TNRC6A: variants seen among roughly 807,000 people sequenced by gnomAD.
TNRC6A encodes the protein trinucleotide repeat containing adaptor 6A.
A neutral mutation model predicts 221.2 loss-of-function variants in TNRC6A; 44 were observed. The ratio of observed to expected loss-of-function variants is 0.20; its 90% CI spans 0.16 to 0.26. The LOEUF (loss-of-function observed/expected upper bound fraction) is 0.26. Among genes scored for constraint, TNRC6A ranks in the 10% least tolerant of loss-of-function variants. The probability of loss-of-function intolerance (pLI) is 1.00; values close to 1 mark genes in which losing one functional copy is unlikely to be tolerated. For synonymous variants in TNRC6A, 847 were observed against 838.5 expected (o/e 1.01, Z -0.18); for missense variants, 2,199 against 2,404.4 (o/e 0.91, Z 1.79).
intron 18 of TNRC6A, among the ~76,000 whole-genome samples, chr16:24,810,279 A>G (rs2058516717): frequency 6.6e-6 from 1 of 152,164 alleles, no homozygotes; most frequent in African/African-American, 2.4e-5. Context: ...CCCAGCAAAT[A>G]TTAATCGAGT....
chr16:24,820,274 G>T lies in TNRC6A; in HGVS notation c.5216G>T (p.Gly1739Val), dbSNP rs761451483. ...APSRPPPGLT[G>V]QKPPLSTWDN... ...TCCCGCCCACCTCCGGGACTGACTG[G>T]TCAGAAGCCACCCTTGTCTACGTGG... The change falls in exon 22 of 25, where the codon GGT becomes GTT. Residue 1739 changes from glycine to valine, a missense_variant. By Grantham distance (109) the Gly-to-Val change is moderately radical. Coordinates refer to ENST00000395799, the MANE Select transcript of TNRC6A (RefSeq NM_014494.4). 6.2e-7 allele frequency: 1 copy of T among 1,614,148 alleles called. No homozygotes were observed. Among genetic ancestry groups the T allele is most frequent in the South Asian group, 1.1e-5 (1 of 91,086 alleles).
At chr16:24,765,796 A>G (rs987142047) in intron 4 of TNRC6A, among the ~76,000 whole-genome samples, 1 of 152,168 alleles carries the variant, frequency 6.6e-6, no homozygotes, top group African/African-American at 2.4e-5. Flanking sequence ...TAGATCATGT[A>G]ACAAAGTCAC....
chr16:24,806,072 A>G, intron 15 of TNRC6A, 134 bp from the exon 16 acceptor site: 1 of 914,048 alleles, frequency 1.1e-6, no homozygotes. Flanking sequence ...AAGAGATGGT[A>G]CTAGATAATG....
rs533038253 is a variant in TNRC6A at position 24,714,207 on chromosome 16, C to T, written n.403-36519C>T. Among the ~76,000 whole-genome samples, 4 of 150,574 alleles carry T rather than the reference C, an allele frequency of 2.7e-5. No homozygotes were observed. The East Asian group carries it at 7.8e-4, about 29-fold the overall frequency. On this transcript the variant is annotated intron_variant and non_coding_transcript_variant, in intron 2 of 2. Coordinates refer to the TNRC6A transcript ENST00000566108. The stretch of plus-strand genomic sequence containing the variant: ...GTGATCTGTTCATTTCACATTGGGG[C>T]TTTTTTTCCTGTCTTCTTCGCTTTA...
At position 24,797,481 on chromosome 16, in the gene TNRC6A, T is replaced by A; in HGVS notation, c.3562-9T>A. 1 of 1,605,994 alleles carries A rather than the reference T, an allele frequency of 6.2e-7. No individual in the cohort carries two copies. The highest frequency in any genetic ancestry group is 8.5e-7 in the Non-Finnish European group (1 of 1,176,596). On this transcript the variant is annotated splice_polypyrimidine_tract_variant and intron_variant, in intron 9 of 24. Transcript: ENST00000395799. ...CATGGCATCTTTTCTACTCTTTTATTTTACAAAGGGAATGATGAAAGGTGG... is the reference window on the plus strand; with the variant it reads ...CATGGCATCTTTTCTACTCTTTTATATTACAAAGGGAATGATGAAAGGTGG...
rs2056572736 is a variant in TNRC6A, at chr16:24,729,709, C to CGGCGGCGGT, written c.-125_-124insTGGCGGCGG. The CGGCGGCGGT allele has an allele frequency of 9.2e-7, 1 of 1,092,324 alleles. No individual in the cohort carries two copies. Among genetic ancestry groups the CGGCGGCGGT allele is most frequent in the South Asian group, 3.0e-5 (1 of 33,230 alleles). 67.7% of individuals were successfully genotyped at this position (1,092,324 alleles called of 1,614,324 possible). On this transcript the variant is annotated 5_prime_UTR_variant, in exon 1 of 25. Coordinates refer to ENST00000395799, the MANE Select transcript of TNRC6A (RefSeq NM_014494.4). The stretch of plus-strand genomic sequence containing the variant: ...TCGGCGGCGGCGGCGGCGGCGGCGG[C>CGGCGGCGGT]GGCGGCGGCAGCGGGTCGGTGTAGA...
chr16:24,776,603 C>G, intron 4 of TNRC6A: 8 of 985,438 alleles, frequency 8.1e-6, no homozygotes, highest in Non-Finnish European at 9.6e-6. Context: ...TTCTTTGAGT[C>G]ATTGCGAGTT....
chr16:24,638,937 A>G (rs370035877), intron 1 of TNRC6A, among the ~76,000 whole-genome samples: 20 of 152,354 alleles, frequency 1.3e-4, no homozygotes, highest in East Asian at 5.8e-4. Context: ...TAGGAGGTCA[A>G]GTAAAACAAG....
intron 1 of TNRC6A, among the ~76,000 whole-genome samples, chr16:24,615,213 G>C (rs1003317013): frequency 6.6e-6 from 1 of 152,154 alleles, no homozygotes; most frequent in Non-Finnish European, 1.5e-5. Flanking sequence ...ACATATTAGA[G>C]AAGGCTCACA....
chr16:24,615,959 A>G (rs1237574613), intron 1 of TNRC6A, among the ~76,000 whole-genome samples: 1 of 150,966 alleles, frequency 6.6e-6, no homozygotes, highest in Non-Finnish European at 1.5e-5. Context: ...TCAGGAGGCC[A>G]AGACAGGAGG....
intron 2 of TNRC6A, chr16:24,665,062 ATTTG>A (rs1380266732): frequency 2.2e-6 from 1 of 445,502 alleles, no homozygotes; most frequent in Admixed American, 2.4e-5. Flanking sequence ...TTATTTATTT[ATTTG>A]TTTGTTTATT....
At chr16:24,815,032 C>A in intron 18 of TNRC6A, 115 bp from the exon 19 acceptor site, 1 of 1,168,466 alleles carries the variant, frequency 8.6e-7, no homozygotes, top group Non-Finnish European at 1.2e-6. Context: ...CTCTAGAGAA[C>A]ACAGCCTAGA....
intron 1 of TNRC6A, among the ~76,000 whole-genome samples, chr16:24,612,864 A>G (rs1900123764): frequency 6.6e-6 from 1 of 152,128 alleles, no homozygotes. Context: ...TCCAGTGGGG[A>G]AGGCAGCTAT....
intron 4 of TNRC6A, among the ~76,000 whole-genome samples, chr16:24,759,421 C>T (rs1372449584): frequency 1.3e-5 from 2 of 152,136 alleles, no homozygotes; most frequent in Non-Finnish European, 2.9e-5. Context: ...AAGCTATCAA[C>T]TACTGTACAT....
At chr16:24,727,132 C>T (rs1470155695), upstream of TNRC6A, among the ~76,000 whole-genome samples, 2 of 151,138 alleles carry the variant, frequency 1.3e-5, no homozygotes, top group East Asian at 1.9e-4. Flanking sequence ...TGGGTTCAAG[C>T]GATTCTCCTG....
chr16:24,823,537 GTC>G lies in TNRC6A; in HGVS notation c.5624_5625del (p.Leu1875ArgfsTer34). ...QSLTPSPGWQ[S>X]LGSSQSRLGS... The stretch of plus-strand genomic sequence containing the variant: ...CTCTGACCCCTTCTCCCGGCTGGCA[GTC>G]TCTCGGGTCCAGCCAGAGCCGGCTG... On this transcript the variant is annotated frameshift_variant, in exon 25 of 25. Coordinates refer to ENST00000395799, the MANE Select transcript of TNRC6A (RefSeq NM_014494.4). LOFTEE classifies it high-confidence loss of function. The surrounding 1 kb of genome is among the most constrained non-coding windows in gnomAD (Gnocchi z 4.3). The G allele has an allele frequency of 6.2e-7, 1 of 1,614,216 alleles. No individual in the cohort carries two copies. The highest frequency in any genetic ancestry group is 8.5e-7 in the Non-Finnish European group (1 of 1,180,044).
chr16:24,804,997 G>T lies in TNRC6A; in HGVS notation c.3985-17G>T. 1.2e-6 allele frequency: 2 copies of T among 1,614,150 alleles called. No individual in the cohort carries two copies. Among genetic ancestry groups the T allele is most frequent in the South Asian group, 1.1e-5 (1 of 91,084 alleles). ...CTAAAGAATCCCACTGTTACTTGTT[G>T]CTGTTTGTTTTTATAGAATGGCAAT... On this transcript the variant is annotated splice_polypyrimidine_tract_variant and intron_variant, in intron 13 of 24. Coordinates refer to ENST00000395799, the MANE Select transcript of TNRC6A (RefSeq NM_014494.4).
intron 2 of TNRC6A, among the ~76,000 whole-genome samples, chr16:24,681,136 A>G (rs1264651693): frequency 3.3e-5 from 5 of 152,274 alleles, no homozygotes; most frequent in Non-Finnish European, 7.4e-5. Flanking sequence ...ATTAATAATT[A>G]TTAACAATTT....
chr16:24,721,384 A>G lies in TNRC6A; in HGVS notation n.403-29342A>G, dbSNP rs562559386. On this transcript the variant is annotated intron_variant and non_coding_transcript_variant, in intron 2 of 2. Transcript: ENST00000566108. ...ACCCAAATGTCAATTAACACAAGGA[A>G]GAGGCTGGGTGCGGTGGCTCATGCC... Among the ~76,000 whole-genome samples, 7 of 152,158 alleles carry G rather than the reference A, an allele frequency of 4.6e-5. No homozygotes were observed. In the South Asian group the frequency reaches 1.2e-3, roughly 27 times the overall value.
Sources: gnomAD v4.1 joint callset for allele counts (sites outside exome capture counted in the v4.1 genomes callset) on GRCh38, gnomAD v4.1.1 for gene constraint, Gnocchi (gnomAD v3.1) non-coding constraint, MANE v1.5 for transcripts, NCBI Gene and HGNC (gene_info 2026-07-23, HGNC 2026-07-21) for gene names.